FTO: variants seen among roughly 807,000 people sequenced by gnomAD.
FTO encodes the protein FTO alpha-ketoglutarate dependent dioxygenase.
Under a neutral mutation model 63.9 loss-of-function variants are expected in FTO, and 47 were observed. The observed-to-expected ratio is 0.74, with a 90% CI of 0.58 to 0.94. The LOEUF (loss-of-function observed/expected upper bound fraction) is 0.94, where lower values mean the gene tolerates loss of function less well. Among genes scored for constraint, FTO ranks in the 40% least tolerant of loss-of-function variants. FTO has a pLI of 0.00. For synonymous variants in FTO, 207 were observed against 224.4 expected, an observed-to-expected ratio of 0.92 and a Z score of 0.69; for missense variants, 562 against 618.1, an observed-to-expected ratio of 0.91 and a Z score of 0.96.
At chr16:53,758,215 T>C (rs1416317084) in intron 1 of FTO, among the ~76,000 whole-genome samples, 2 of 152,218 alleles carry the variant, frequency 1.3e-5, no homozygotes, top group Admixed American at 1.3e-4. Flanking sequence ...GGACTCTGGT[T>C]CAGTGTGTGA....
At chr16:53,805,641 G>GT (rs919393694) in intron 1 of FTO, among the ~76,000 whole-genome samples, 2 of 152,022 alleles carry the variant, frequency 1.3e-5, no homozygotes, top group African/African-American at 4.8e-5. Flanking sequence ...GTAGAGACGG[G>GT]TTTTTACCAT....
intron 1 of FTO, among the ~76,000 whole-genome samples, chr16:53,765,912 G>T (rs1269681216): frequency 6.6e-6 from 1 of 152,184 alleles, no homozygotes; most frequent in Non-Finnish European, 1.5e-5. Flanking sequence ...GAAATCACTG[G>T]AGTGTTTTAA....
Position 54,119,299 on chromosome 16 carries a change from C to T in FTO, c.*7384C>T, listed in dbSNP as rs1369564310. ...TTATCCTTTCAAATAGGGAATTCGGCTTTCCACGTTGGAACCAGAACAGTT... is the reference window on the plus strand; with the variant it reads ...TTATCCTTTCAAATAGGGAATTCGGTTTTCCACGTTGGAACCAGAACAGTT... On this transcript the variant is annotated 3_prime_UTR_variant, in exon 9 of 9. Transcript: ENST00000471389. The T allele has an allele frequency of 6.6e-6, 1 of 152,208 alleles. No individual in the cohort carries two copies. The highest frequency in any genetic ancestry group is 1.5e-5 in the Non-Finnish European group (1 of 68,038). 9.4% of individuals were successfully genotyped at this position (152,208 alleles called of 1,614,324 possible). A position where few individuals can be genotyped will look rare whatever the true frequency, so the allele number is the denominator to read the frequency against.
chr16:54,066,509 A>G (rs746262979), intron 8 of FTO, among the ~76,000 whole-genome samples: 1 of 152,222 alleles, frequency 6.6e-6, no homozygotes, highest in Non-Finnish European at 1.5e-5. Context: ...AGTTCCGGGG[A>G]AAATCCCGTG....
At chr16:53,862,474 T>C (rs1337260500) in intron 4 of FTO, among the ~76,000 whole-genome samples, 2 of 152,124 alleles carry the variant, frequency 1.3e-5, no homozygotes, top group Non-Finnish European at 2.9e-5. Flanking sequence ...TCTGGTCTTT[T>C]CACAACCTTG....
chr16:53,726,164 G>A (rs774003919), intron 1 of FTO, among the ~76,000 whole-genome samples: 19 of 85,914 alleles, frequency 2.2e-4, no homozygotes, highest in African/African-American at 1.8e-4. Context: ...TGTGGACTAC[G>A]ATTTTATAAA....
chr16:53,770,585 T>C (rs1417621165), intron 1 of FTO, among the ~76,000 whole-genome samples: 3 of 152,206 alleles, frequency 2.0e-5, no homozygotes, highest in Non-Finnish European at 2.9e-5. Flanking sequence ...AAAAGGTGTA[T>C]GTTGAAGGTA....
chr16:53,924,112 A>G (rs2143047830), intron 7 of FTO, among the ~76,000 whole-genome samples: 1 of 152,352 alleles, frequency 6.6e-6, no homozygotes, highest in South Asian at 2.1e-4. Context: ...CCAAGACTTC[A>G]TACACATAAT....
At chr16:54,006,160 A>G (rs1287903702) in intron 8 of FTO, among the ~76,000 whole-genome samples, 2 of 152,188 alleles carry the variant, frequency 1.3e-5, no homozygotes, top group African/African-American at 4.8e-5. Flanking sequence ...ATTAACAGAG[A>G]AGTAATTTCC....
chr16:53,856,368 TGGGGGGGG>T (rs2079994294), intron 4 of FTO, among the ~76,000 whole-genome samples: 1 of 150,124 alleles, frequency 6.7e-6, no homozygotes. Flanking sequence ...TTTTTTTTTT[TGGGGGGGG>T]ATATTTATTT....
chr16:54,037,471 G>A (rs2084967487), intron 8 of FTO, among the ~76,000 whole-genome samples: 1 of 152,158 alleles, frequency 6.6e-6, no homozygotes, highest in South Asian at 2.1e-4. Context: ...TGAAACTAAG[G>A]CAAATGAAAG....
At chr16:54,109,966 C>T (rs1314386185) in intron 8 of FTO, among the ~76,000 whole-genome samples, 1 of 152,154 alleles carries the variant, frequency 6.6e-6, no homozygotes, top group African/African-American at 2.4e-5. Context: ...TTTCCCTACC[C>T]AGTAAATTGA....
chr16:54,011,696 T>TA (rs1384687011), intron 8 of FTO, among the ~76,000 whole-genome samples: 2 of 152,000 alleles, frequency 1.3e-5, no homozygotes, highest in African/African-American at 2.4e-5. Flanking sequence ...TTTATTAAGA[T>TA]AAAAAACAAA....
intron 7 of FTO, among the ~76,000 whole-genome samples, chr16:53,895,294 G>A (rs1304908482): frequency 6.6e-6 from 1 of 152,016 alleles, no homozygotes; most frequent in Non-Finnish European, 1.5e-5. Context: ...AATTTTACAA[G>A]AAAGTGTTGT....
rs1277397289 is a variant in FTO, at chr16:54,121,080, G to A, written c.*9165G>A. The A allele has an allele frequency of 6.6e-6, 1 of 152,400 alleles. No individual in the cohort carries two copies. 9.4% of individuals were successfully genotyped at this position (152,400 alleles called of 1,614,324 possible). ...TAAAGTTTTATTGGAACGCAGCCAT[G>A]CTCATCGGTTTATGTATTATCTATG... is the stretch of plus-strand genomic sequence containing the variant. On this transcript the variant is annotated 3_prime_UTR_variant, in exon 9 of 9. Transcript: ENST00000471389.
intron 1 of FTO, among the ~76,000 whole-genome samples, chr16:53,805,711 A>C (rs1414572173): frequency 6.6e-6 from 1 of 151,802 alleles, no homozygotes; most frequent in Non-Finnish European, 1.5e-5. Flanking sequence ...CCACCTCCCA[A>C]AGTGCTGGGA....
intron 4 of FTO, among the ~76,000 whole-genome samples, chr16:53,845,949 GC>G (rs1212786076): frequency 6.6e-6 from 1 of 152,146 alleles, no homozygotes; most frequent in Non-Finnish European, 1.5e-5. Flanking sequence ...ATCTAAGTAT[GC>G]CCTTCATCTC....
chr16:53,931,040 T>C (rs1195540141), intron 7 of FTO, among the ~76,000 whole-genome samples: 1 of 152,234 alleles, frequency 6.6e-6, no homozygotes. Context: ...TGAAACTTTC[T>C]TTCTTACATC....
intron 8 of FTO, among the ~76,000 whole-genome samples, chr16:53,957,498 G>C (rs1208797095): frequency 6.6e-6 from 1 of 152,186 alleles, no homozygotes; most frequent in East Asian, 1.9e-4. Flanking sequence ...TCGTCCAGTA[G>C]TAGTGGAATA....
Sources: gnomAD v4.1 joint callset for allele counts (sites outside exome capture counted in the v4.1 genomes callset) on GRCh38, gnomAD v4.1.1 for gene constraint, MANE v1.5 for transcripts, NCBI Gene and HGNC (gene_info 2026-07-23, HGNC 2026-07-21) for gene names.